NUFIP2: variants seen among roughly 807,000 people sequenced by gnomAD.
NUFIP2 encodes nuclear FMR1 interacting protein 2.
In NUFIP2, 6 loss-of-function variants were observed where a neutral mutation model predicts 56.9. The ratio of observed to expected loss-of-function variants is 0.11; its 90% CI spans 0.06 to 0.21. The LOEUF is 0.21. Ranked by LOEUF, NUFIP2 falls within the 10% of genes least tolerant of loss-of-function variation. The pLI is 1.00. For missense variants in NUFIP2, 828 were observed against 826.8 expected, an observed-to-expected ratio of 1.00 and a Z score of -0.02; for synonymous variants, 321 against 298.2, an observed-to-expected ratio of 1.08 and a Z score of -0.79.
chr17:29,264,527 C>T lies in NUFIP2; in HGVS notation c.*12G>A. 2.5e-6 allele frequency: 4 copies of T among 1,595,442 alleles called. No individual in the cohort carries two copies. The highest frequency in any genetic ancestry group is 3.3e-4 in the Middle Eastern group (2 of 6,022). ...ATGCTGCAGAAAGGTTACGAATAGG[C>T]AGTCTGGTCCTTCATTGATCTGGAC... is the stretch of plus-strand genomic sequence containing the variant. On this transcript the variant is annotated 3_prime_UTR_variant, in exon 4 of 4. Transcript: ENST00000225388.
Position 29,264,089 on chromosome 17 carries a change from G to C in NUFIP2, c.*450C>G, listed in dbSNP as rs753067091. The C allele has an allele frequency of 2.0e-5, 3 of 152,656 alleles. No individual in the cohort carries two copies. In the East Asian group the frequency reaches 5.8e-4, roughly 29 times the overall value. The allele number at this position is 152,656 out of a possible 1,614,324, so 9.5% of individuals were successfully genotyped here. ...AATGTTGAATCATTCTGGGTTCCCCGTGATTAGTGTATCACTTCAGTCACA... is the reference window on the plus strand; with the variant it reads ...AATGTTGAATCATTCTGGGTTCCCCCTGATTAGTGTATCACTTCAGTCACA... On this transcript the variant is annotated 3_prime_UTR_variant, in exon 4 of 4. Transcript: ENST00000225388.
chr17:29,281,587 G>A (rs1225203908), intron 2 of NUFIP2, among the ~76,000 whole-genome samples: 2 of 151,540 alleles, frequency 1.3e-5, no homozygotes, highest in African/African-American at 4.8e-5. Flanking sequence ...AGCTACTCAG[G>A]AGGCTGAGGA....
intron 1 of NUFIP2, among the ~76,000 whole-genome samples, chr17:29,293,405 AT>A (rs1019615496): frequency 6.6e-6 from 1 of 151,904 alleles, no homozygotes; most frequent in African/African-American, 2.4e-5. Context: ...ACCTCGAGGG[AT>A]TTTTTGGGGG....
intron 3 of NUFIP2, 59 bp downstream of exon 3, chr17:29,267,439 A>C (rs776409933): frequency 1.0e-6 from 1 of 963,686 alleles, no homozygotes; most frequent in Non-Finnish European, 1.6e-6. Flanking sequence ...AATCCCACCC[A>C]AAAATAATGT....
intron 2 of NUFIP2, among the ~76,000 whole-genome samples, chr17:29,271,830 T>C (rs1280809537): frequency 6.6e-6 from 1 of 151,756 alleles, no homozygotes; most frequent in Non-Finnish European, 1.5e-5. Context: ...CAGCACTTTG[T>C]GAGGCCAAGG....
At chr17:29,279,985 A>G (rs2153011896) in intron 2 of NUFIP2, among the ~76,000 whole-genome samples, 1 of 152,038 alleles carries the variant, frequency 6.6e-6, no homozygotes, top group East Asian at 1.9e-4. Flanking sequence ...TGCCTGGCTA[A>G]TTTTTGTATT....
intron 2 of NUFIP2, among the ~76,000 whole-genome samples, chr17:29,270,996 A>G (rs1202180378): frequency 6.6e-6 from 1 of 152,190 alleles, no homozygotes; most frequent in African/African-American, 2.4e-5. Flanking sequence ...AAGCAAACAT[A>G]CATATTTTAG....
rs565861937 is a variant in NUFIP2 at position 29,259,963 on chromosome 17, G to T, written c.*4576C>A. ...AGGTGGTCCTGGTTCTCACACAGGT[G>T]ATGTATATTTTAAAAGAAACATTTT... On this transcript the variant is annotated 3_prime_UTR_variant, in exon 4 of 4. Transcript: ENST00000225388. 1 of 152,172 alleles carries T rather than the reference G, an allele frequency of 6.6e-6. No individual in the cohort carries two copies. Among genetic ancestry groups the T allele is most frequent in the Non-Finnish European group, 1.5e-5 (1 of 68,034 alleles). 9.4% of individuals were successfully genotyped at this position (152,172 alleles called of 1,614,324 possible).
chr17:29,258,934 T>C lies in NUFIP2; in HGVS notation c.*5605A>G, dbSNP rs2068986176. The C allele has an allele frequency of 6.6e-6, 1 of 152,180 alleles. No individual in the cohort carries two copies. Among genetic ancestry groups the C allele is most frequent in the Non-Finnish European group, 1.5e-5 (1 of 68,018 alleles). The allele number at this position is 152,180 out of a possible 1,614,324, so 9.4% of individuals were successfully genotyped here. A position where few individuals can be genotyped will look rare whatever the true frequency, so the allele number is the denominator to read the frequency against. On this transcript the variant is annotated 3_prime_UTR_variant, in exon 4 of 4. Transcript: ENST00000225388. The stretch of plus-strand genomic sequence containing the variant: ...AATATCTAATGAAATGTATTCAAGA[T>C]CATGAAAGGATCCTCCTCTATGAAG...
At position 29,287,446 on chromosome 17, in the gene NUFIP2, G is replaced by C; in HGVS notation, c.548C>G (p.Thr183Ser). 6.2e-7 allele frequency: 1 copy of C among 1,613,950 alleles called. No homozygotes were observed. The highest frequency in any genetic ancestry group is 1.1e-5 in the South Asian group (1 of 91,082). The stretch of plus-strand genomic sequence containing the variant: ...TACCACACCATTTGGAATTGGTATA[G>C]TATCAGACTTATCTACAGACTGATT... ...GENQSVDKSDTIPIPNGVVTN... is the reference protein window; with the variant it reads ...GENQSVDKSDSIPIPNGVVTN... The change falls in exon 2 of 4, where the codon ACT (threonine) becomes AGT (serine). Residue 183 changes from threonine to serine, a missense_variant. This residue lies in a region of NUFIP2 where 415 missense variants were observed against 408.7 expected (regional missense o/e 1.02). Transcript: ENST00000225388.
intron 2 of NUFIP2, among the ~76,000 whole-genome samples, chr17:29,284,706 C>CAAAAAA (rs66700326): frequency 2.2e-4 from 12 of 53,588 alleles, no homozygotes; most frequent in South Asian, 9.1e-4. Flanking sequence ...GACTCCATCT[C>CAAAAAA]AAAAAAAAAA....
In NUFIP2 at chr17:29,259,282, T is replaced by C. The variant is rs1444430774; in HGVS notation, c.*5257A>G. ...ATGTTTGTAGTTAGTTTAATAAGGC[T>C]GTAGAAAAGAGATACTTGGCCGGGC... On this transcript the variant is annotated 3_prime_UTR_variant, in exon 4 of 4. Coordinates refer to ENST00000225388, the MANE Select transcript of NUFIP2 (RefSeq NM_020772.3). The C allele has an allele frequency of 6.6e-6, 1 of 152,130 alleles. No individual in the cohort carries two copies. The highest frequency in any genetic ancestry group is 2.4e-5 in the African/African-American group (1 of 41,418). 9.4% of individuals were successfully genotyped at this position (152,130 alleles called of 1,614,324 possible).
intron 2 of NUFIP2, among the ~76,000 whole-genome samples, chr17:29,273,550 T>G (rs1253350558): frequency 6.6e-6 from 1 of 151,852 alleles, no homozygotes; most frequent in Non-Finnish European, 1.5e-5. Flanking sequence ...AAATCTAACT[T>G]GCCAGTTCTT....
Position 29,259,559 on chromosome 17 carries a change from AACAG to A in NUFIP2, c.*4976_*4979del, listed in dbSNP as rs1400957780. 2.2e-5 allele frequency: 3 copies of A among 133,730 alleles called. No individual in the cohort carries two copies. Among genetic ancestry groups the A allele is most frequent in the Non-Finnish European group, 4.8e-5 (3 of 63,044 alleles). 8.3% of individuals were successfully genotyped at this position (133,730 alleles called of 1,614,324 possible). On this transcript the variant is annotated 3_prime_UTR_variant, in exon 4 of 4. Transcript: ENST00000225388. ...TGCGCCACTGTACTCCAGCCTGGGC[AACAG>A]ACAGTCCGTCTCAAAAAAAAAAAGG...
At chr17:29,269,759 C>T (rs986610123) in intron 2 of NUFIP2, among the ~76,000 whole-genome samples, 4 of 151,112 alleles carry the variant, frequency 2.6e-5, no homozygotes, top group East Asian at 1.9e-4. Flanking sequence ...TTTTTTGAGT[C>T]GCCCAGGCTG....
chr17:29,266,577 A>G (rs757830365), intron 3 of NUFIP2, among the ~76,000 whole-genome samples: 11 of 152,024 alleles, frequency 7.2e-5, no homozygotes, highest in Non-Finnish European at 2.9e-5. Context: ...CAAAATGAAT[A>G]GGATACAATT....
chr17:29,255,952 GTGTT>G lies in NUFIP2; in HGVS notation c.*8583_*8586del, dbSNP rs760638071. ...AAGTAAATCTGGGTATGGTTGTAGA[GTGTT>G]TGTAATTTATATTTTTAAAACACTG... On this transcript the variant is annotated 3_prime_UTR_variant, in exon 4 of 4. Coordinates refer to ENST00000225388, the MANE Select transcript of NUFIP2 (RefSeq NM_020772.3). 1 of 152,246 alleles carries G rather than the reference GTGTT, an allele frequency of 6.6e-6. No homozygotes were observed. Among genetic ancestry groups the G allele is most frequent in the African/African-American group, 2.4e-5 (1 of 41,534 alleles). 9.4% of individuals were successfully genotyped at this position (152,246 alleles called of 1,614,324 possible). A position where few individuals can be genotyped will look rare whatever the true frequency, so the allele number is the denominator to read the frequency against.
Position 29,268,024 on chromosome 17 carries a change from G to A in NUFIP2, c.2003-494C>T, listed in dbSNP as rs575653184. On this transcript the variant is annotated intron_variant, in intron 2 of 3. Transcript: ENST00000225388. The stretch of plus-strand genomic sequence containing the variant: ...AGCGCTTCTCCTGTCTCAACCTCCC[G>A]AGTAGCTGGGATTACAGGTGCCCGC... 4.2e-3 allele frequency among the ~76,000 whole-genome samples: 640 copies of A among 152,078 alleles called. 3 individuals carry two copies. Among genetic ancestry groups the A allele is most frequent in the Non-Finnish European group, 6.3e-3 (430 of 67,982 alleles).
chr17:29,279,015 A>G (rs1340108401), intron 2 of NUFIP2, among the ~76,000 whole-genome samples: 1 of 152,184 alleles, frequency 6.6e-6, no homozygotes, highest in Non-Finnish European at 1.5e-5. Context: ...AGGGAATCCA[A>G]CCAGGGCTAA....
Sources: allele counts gnomAD v4.1 joint callset (sites outside exome capture counted in the v4.1 genomes callset), GRCh38; gene constraint gnomAD v4.1.1; regional missense constraint gnomAD v4.1.1; transcripts MANE v1.5; gene names NCBI Gene and HGNC (gene_info 2026-07-23, HGNC 2026-07-21).